THSD4: variants seen among roughly 807,000 people sequenced by gnomAD.
THSD4 encodes thrombospondin type 1 domain containing 4, also known as thrombospondin type-1 domain-containing protein 4.
Under a neutral mutation model 119.0 loss-of-function variants are expected in THSD4, and 69 were observed. That is an observed-to-expected ratio of 0.58 (90% CI 0.48 to 0.71). The LOEUF (loss-of-function observed/expected upper bound fraction) is 0.71, where lower values mean the gene tolerates loss of function less well. THSD4 is among the 30% of genes least tolerant of loss of function. The pLI is 0.00. For synonymous variants in THSD4, 524 were observed against 540.4 expected (o/e 0.97, Z 0.42); for missense variants, 1,393 against 1,391.1 (o/e 1.00, Z -0.02).
At chr15:71,236,878 G>A (rs1330227138) in intron 4 of THSD4, among the ~76,000 whole-genome samples, 1 of 152,176 alleles carries the variant, frequency 6.6e-6, no homozygotes, top group Non-Finnish European at 1.5e-5. Context: ...TGAAGGAGAG[G>A]GTTGGAGGGC....
chr15:71,685,966 T>G (rs191819601), intron 8 of THSD4, among the ~76,000 whole-genome samples: 111 of 152,292 alleles, frequency 7.3e-4, no homozygotes, highest in African/African-American at 2.6e-3. Flanking sequence ...TTTTTTAAAC[T>G]TTTTATTTTC....
At chr15:71,482,630 G>A (rs565041842) in intron 7 of THSD4, among the ~76,000 whole-genome samples, 1 of 149,734 alleles carries the variant, frequency 6.7e-6, no homozygotes, top group Non-Finnish European at 1.5e-5. Context: ...TTATTGCCCA[G>A]GCTGGAGTAC....
rs577833816 is a variant in THSD4, at chr15:71,782,359, A to T, written c.*4985A>T. The T allele has an allele frequency of 2.6e-5, 4 of 152,290 alleles. No individual in the cohort carries two copies. In the South Asian group the frequency reaches 8.3e-4, roughly 32 times the overall value. 9.4% of individuals were successfully genotyped at this position (152,290 alleles called of 1,614,324 possible). Reference sequence around the variant, plus strand: ...GAGAGGGAAGCCACCTGCTATACAAACTAATACCCCCTGCCTTGACCCCTT... The same window carrying T: ...GAGAGGGAAGCCACCTGCTATACAATCTAATACCCCCTGCCTTGACCCCTT... On this transcript the variant is annotated 3_prime_UTR_variant, in exon 18 of 18. Coordinates refer to ENST00000261862, the MANE Select transcript of THSD4 (RefSeq NM_024817.3).
At chr15:71,677,954 A>G (rs922814838) in intron 8 of THSD4, among the ~76,000 whole-genome samples, 1 of 152,184 alleles carries the variant, frequency 6.6e-6, no homozygotes, top group Non-Finnish European at 1.5e-5. Context: ...TGACACCGCT[A>G]TCCTTGCATG....
At position 71,753,951 on chromosome 15, in the gene THSD4, A is replaced by C. The variant is rs1290320271; in HGVS notation, c.2416-3951A>C. ...ATGGGGATGTGAAGACACTTTCCCA[A>C]ATGTATGTGCATTACTTGGTTTTGA... On this transcript the variant is annotated intron_variant, in intron 14 of 17. Transcript: ENST00000261862. 5.3e-5 allele frequency among the ~76,000 whole-genome samples: 8 copies of C among 152,222 alleles called. No individual in the cohort carries two copies. In the East Asian group the frequency reaches 1.5e-3, roughly 29 times the overall value.
intron 6 of THSD4, among the ~76,000 whole-genome samples, chr15:71,401,859 C>G (rs1029749104): frequency 1.3e-5 from 2 of 152,140 alleles, no homozygotes; most frequent in South Asian, 4.1e-4. Flanking sequence ...ACCCAAATGT[C>G]CATCAATGAT....
chr15:71,606,451 C>T (rs984844770), intron 7 of THSD4, among the ~76,000 whole-genome samples: 10 of 152,218 alleles, frequency 6.6e-5, no homozygotes, highest in Non-Finnish European at 1.0e-4. Flanking sequence ...TTTGGAGGCA[C>T]AAACTCCAGC....
At chr15:71,111,427 C>G, upstream of THSD4, 1 of 1,599,652 alleles carries the variant, frequency 6.3e-7, no homozygotes, top group Non-Finnish European at 8.5e-7. Context: ...TCCAGAGTTC[C>G]TGGAGGAGGA....
chr15:71,614,269 CAGCCTGG>C (rs2050284292), intron 7 of THSD4, among the ~76,000 whole-genome samples: 1 of 152,186 alleles, frequency 6.6e-6, no homozygotes, highest in Non-Finnish European at 1.5e-5. Context: ...GTATCCATTC[CAGCCTGG>C]ATTCGGCCAC....
chr15:71,246,780 A>G (rs1272707809), intron 5 of THSD4, among the ~76,000 whole-genome samples: 4 of 152,092 alleles, frequency 2.6e-5, no homozygotes, highest in East Asian at 1.9e-4. Context: ...CCTAGTACAG[A>G]TAGAGAATCT....
intron 7 of THSD4, among the ~76,000 whole-genome samples, chr15:71,559,834 T>G (rs375987002): frequency 2.8e-4 from 43 of 152,320 alleles, no homozygotes; most frequent in African/African-American, 7.2e-4. Flanking sequence ...GAAAAGTGAT[T>G]AATTGTGGTT....
intron 6 of THSD4, among the ~76,000 whole-genome samples, chr15:71,326,673 CAAAAAAAAAAAA>C (rs375081607): frequency 0.027 from 350 of 12,910 alleles, 15 homozygotes; most frequent in African/African-American, 0.041. Context: ...GATTCCATCT[CAAAAAAAAAAAA>C]AAAAAAAAAA....
chr15:71,520,459 T>G lies in THSD4; in HGVS notation c.1152+108636T>G, dbSNP rs1488145105. Among the ~76,000 whole-genome samples the G allele has an allele frequency of 2.0e-5, 3 of 152,190 alleles. No individual in the cohort carries two copies. The East Asian group carries it at 5.8e-4, about 29-fold the overall frequency. On this transcript the variant is annotated intron_variant, in intron 7 of 17. Coordinates refer to ENST00000261862, the MANE Select transcript of THSD4 (RefSeq NM_024817.3). ...GGGCCCAGGGCCTCCTCACTGGGAT[T>G]GCTTTCTTAGGCAGCTTGTGGGGCA...
chr15:71,222,107 C>T lies in THSD4; in HGVS notation c.464+6708C>T, dbSNP rs143467822. Among the ~76,000 whole-genome samples the T allele has an allele frequency of 2.2e-4, 34 of 152,200 alleles. No individual in the cohort carries two copies. In the East Asian group the frequency reaches 3.3e-3, roughly 15 times the overall value. On this transcript the variant is annotated intron_variant, in intron 4 of 17. Coordinates refer to ENST00000261862, the MANE Select transcript of THSD4 (RefSeq NM_024817.3). Reference sequence around the variant, plus strand: ...ACCTTCCCTTTTATAACTCTGAAAGCAGGGTGGATTTCTTCCCATTCCCAA... The same window carrying T: ...ACCTTCCCTTTTATAACTCTGAAAGTAGGGTGGATTTCTTCCCATTCCCAA...
chr15:71,227,771 A>G (rs1371192055), intron 4 of THSD4, among the ~76,000 whole-genome samples: 1 of 152,178 alleles, frequency 6.6e-6, no homozygotes, highest in Non-Finnish European at 1.5e-5. Flanking sequence ...CAATGTGGAC[A>G]CGGGTAATTT....
At chr15:71,124,294 G>A (rs187953885) in intron 1 of THSD4, among the ~76,000 whole-genome samples, 44 of 152,234 alleles carry the variant, frequency 2.9e-4, no homozygotes, top group African/African-American at 1.0e-3. Context: ...CTGACTTATG[G>A]GCACTGCAAT....
At chr15:71,363,185 T>C (rs2045916199) in intron 6 of THSD4, among the ~76,000 whole-genome samples, 3 of 152,170 alleles carry the variant, frequency 2.0e-5, no homozygotes, top group Admixed American at 2.0e-4. Context: ...TTTTAGACTG[T>C]AGGCCAGTCT....
chr15:71,184,822 C>T (rs894525606), intron 3 of THSD4, among the ~76,000 whole-genome samples: 3 of 151,828 alleles, frequency 2.0e-5, no homozygotes, highest in Non-Finnish European at 2.9e-5. Flanking sequence ...GTTACCCTCA[C>T]GCTGTCCTGA....
intron 6 of THSD4, among the ~76,000 whole-genome samples, chr15:71,257,286 T>C (rs544682347): frequency 1.3e-5 from 2 of 152,288 alleles, no homozygotes; most frequent in East Asian, 3.9e-4. Context: ...GAGTCACTTT[T>C]CTTTGTTGAA....
Sources: gnomAD v4.1 joint callset for allele counts (sites outside exome capture counted in the v4.1 genomes callset) on GRCh38, gnomAD v4.1.1 for gene constraint, MANE v1.5 for transcripts, NCBI Gene and HGNC (gene_info 2026-07-23, HGNC 2026-07-21) for gene names.